Variants in ANK2 observed in about 807,000 individuals in gnomAD.
ANK2 encodes the protein ankyrin-2.
In ANK2, 83 loss-of-function variants were observed where a neutral mutation model predicts 360.5. That is an observed-to-expected ratio of 0.23 (90% CI 0.19 to 0.28). The LOEUF (loss-of-function observed/expected upper bound fraction) is 0.28. Among genes scored for constraint, ANK2 ranks in the 10% least tolerant of loss-of-function variants. The pLI is 1.00. For synonymous variants in ANK2, 1,740 were observed against 1,759.5 expected (o/e 0.99, Z 0.28); for missense variants, 4,201 against 4,795.7 (o/e 0.88, Z 3.66).
chr4:113,015,154 G>C (rs1561543163), intron 2 of ANK2, among the ~76,000 whole-genome samples: 1 of 152,110 alleles, frequency 6.6e-6, no homozygotes, highest in South Asian at 2.1e-4. Context: ...CACCGCGCCC[G>C]GCCAGAGCTT....
the ANK2 span, among the ~76,000 whole-genome samples, chr4:112,739,958 T>C: frequency 6.6e-6 from 1 of 152,164 alleles, no homozygotes; most frequent in Non-Finnish European, 1.5e-5. Flanking sequence ...ATCACACCAC[T>C]GAACTCTAGC....
chr4:113,136,114 G>C (rs537219771), intron 1 of ANK2, among the ~76,000 whole-genome samples: 1 of 152,116 alleles, frequency 6.6e-6, no homozygotes, highest in Non-Finnish European at 1.5e-5. Context: ...TGCTCATTTA[G>C]TCAGTAATCA....
chr4:112,780,184 CT>C, the ANK2 span, among the ~76,000 whole-genome samples: 3 of 128,682 alleles, frequency 2.3e-5, no homozygotes, highest in African/African-American at 9.2e-5. Context: ...GAGACTCTGT[CT>C]CAAAAAAAAA....
intron 1 of ANK2, among the ~76,000 whole-genome samples, chr4:112,828,532 T>C (rs6829330): frequency 0.58 from 88,790 of 151,976 alleles, 26,880 homozygotes; most frequent in East Asian, 0.93. Flanking sequence ...CGCGCCCAGC[T>C]GAATTAAGGA....
intron 35 of ANK2, chr4:113,347,929 A>G: frequency 3.9e-6 from 1 of 257,260 alleles, no homozygotes; most frequent in Admixed American, 4.8e-5. Flanking sequence ...TTCAACCAAT[A>G]TCTGTAATGA....
chr4:112,956,467 G>A (rs2095334659), intron 2 of ANK2, among the ~76,000 whole-genome samples: 1 of 152,102 alleles, frequency 6.6e-6, no homozygotes, highest in Non-Finnish European at 1.5e-5. Context: ...GTCGCTATTA[G>A]GTAAAATAAG....
chr4:112,763,003 T>A, the ANK2 span, among the ~76,000 whole-genome samples: 1 of 152,228 alleles, frequency 6.6e-6, no homozygotes, highest in Non-Finnish European at 1.5e-5. Flanking sequence ...GGGAGAAAAT[T>A]AAATTGTAAA....
At chr4:113,211,743 C>T (rs2153454044) in intron 4 of ANK2, among the ~76,000 whole-genome samples, 1 of 152,230 alleles carries the variant, frequency 6.6e-6, no homozygotes, top group Admixed American at 6.5e-5. Flanking sequence ...AGTGTCTCAT[C>T]CAAATTTGTG....
chr4:112,957,716 G>C (rs538083988), intron 2 of ANK2, among the ~76,000 whole-genome samples: 1 of 150,790 alleles, frequency 6.6e-6, no homozygotes, highest in African/African-American at 2.5e-5. Context: ...CTCCCTCCCG[G>C]ACGGGGTGGC....
At chr4:112,829,396 C>T (rs1396266957) in intron 1 of ANK2, among the ~76,000 whole-genome samples, 1 of 149,362 alleles carries the variant, frequency 6.7e-6, no homozygotes, top group Non-Finnish European at 1.5e-5. Flanking sequence ...TGGCTCATGC[C>T]TATAATCCCA....
chr4:112,914,401 A>G (rs1392062787), intron 2 of ANK2, among the ~76,000 whole-genome samples: 1 of 152,112 alleles, frequency 6.6e-6, no homozygotes, highest in Non-Finnish European at 1.5e-5. Flanking sequence ...TGGGCAGATC[A>G]CTTGAGGCCA....
rs1385620748 is a variant in ANK2 at position 113,358,960 on chromosome 4, A to T, written c.10342A>T (p.Ser3448Cys). ...ATCCCGATTGCCAGTTAAGAGCAGAAGCACTACATCTTCCTGCAGGGGGGG... is the reference window on the plus strand; with the variant it reads ...ATCCCGATTGCCAGTTAAGAGCAGATGCACTACATCTTCCTGCAGGGGGGG... ...LTSRLPVKSRSTTSSCRGGTS... is the reference protein window; with the variant it reads ...LTSRLPVKSRCTTSSCRGGTS... The change falls in exon 38 of 46, where the codon AGC (serine) becomes TGC (cysteine). Residue 3448 changes from serine (S) to cysteine (C), a missense_variant. By Grantham distance (112) the Ser-to-Cys change is moderately radical. This residue lies in a region of ANK2 where 2,642 missense variants were observed against 2,714.5 expected (regional missense o/e 0.97). Transcript: ENST00000357077. The T allele has an allele frequency of 6.2e-7, 1 of 1,613,972 alleles. No homozygotes were observed. Among genetic ancestry groups the T allele is most frequent in the African/African-American group, 1.3e-5 (1 of 74,926 alleles).
At chr4:113,143,637 C>T (rs917736606) in intron 1 of ANK2, among the ~76,000 whole-genome samples, 1 of 152,076 alleles carries the variant, frequency 6.6e-6, no homozygotes, top group African/African-American at 2.4e-5. Context: ...TCTTGGTTGG[C>T]ATTCTTTGTT....
chr4:113,094,727 A>T (rs1000338485), intron 1 of ANK2, among the ~76,000 whole-genome samples: 6 of 152,232 alleles, frequency 3.9e-5, no homozygotes, highest in Non-Finnish European at 8.8e-5. Flanking sequence ...CAAGATAAAA[A>T]ACACATTTAG....
At chr4:113,345,330 C>T (rs2153988536) in intron 34 of ANK2, among the ~76,000 whole-genome samples, 1 of 152,194 alleles carries the variant, frequency 6.6e-6, no homozygotes, top group South Asian at 2.1e-4. Flanking sequence ...ACAGTTTCGG[C>T]ATAGGATGAA....
chr4:112,892,019 ATAAAAG>A (rs2080172053), intron 1 of ANK2, among the ~76,000 whole-genome samples: 1 of 152,220 alleles, frequency 6.6e-6, no homozygotes, highest in Non-Finnish European at 1.5e-5. Context: ...CAAAAAAGAC[ATAAAAG>A]TATAGTGGTG....
At chr4:113,078,728 C>T (rs774266929) in intron 1 of ANK2, among the ~76,000 whole-genome samples, 2 of 152,114 alleles carry the variant, frequency 1.3e-5, no homozygotes, top group Non-Finnish European at 2.9e-5. Flanking sequence ...GAATGCAGAG[C>T]CTCTGCTGCT....
intron 2 of ANK2, among the ~76,000 whole-genome samples, chr4:112,942,851 T>A (rs1007097210): frequency 6.6e-6 from 1 of 152,046 alleles, no homozygotes; most frequent in Admixed American, 6.6e-5. Context: ...AGAAAAAAAA[T>A]TCCTCTATAA....
At chr4:113,026,208 G>T (rs1254157044) in intron 2 of ANK2, among the ~76,000 whole-genome samples, 1 of 152,144 alleles carries the variant, frequency 6.6e-6, no homozygotes, top group Non-Finnish European at 1.5e-5. Context: ...TCTATCTGTT[G>T]TCATGTAGGA....
Sources: allele counts gnomAD v4.1 joint callset (sites outside exome capture counted in the v4.1 genomes callset), GRCh38; gene constraint gnomAD v4.1.1; regional missense constraint gnomAD v4.1.1; transcripts MANE v1.5; gene names NCBI Gene and HGNC (gene_info 2026-07-23, HGNC 2026-07-21).